SYNE1: variants seen among roughly 807,000 people sequenced by gnomAD.
SYNE1 encodes nesprin-1.
Under a neutral mutation model 1,111.0 loss-of-function variants are expected in SYNE1, and 616 were observed. The observed-to-expected ratio is 0.55, with a 90% confidence interval of 0.52 to 0.59. The LOEUF (loss-of-function observed/expected upper bound fraction) is 0.59, where lower values mean the gene tolerates loss of function less well. Among genes scored for constraint, SYNE1 ranks in the 20% least tolerant of loss-of-function variants. The pLI is 0.00. For missense variants in SYNE1, 10,006 were observed against 10,417.0 expected, an observed-to-expected ratio of 0.96 and a Z score of 1.72; for synonymous variants, 3,855 against 3,825.8, an observed-to-expected ratio of 1.01 and a Z score of -0.28.
intron 74 of SYNE1, 45 bp from the exon 75 acceptor site, chr6:152,339,411 T>C (rs1451144453): frequency 2.5e-6 from 4 of 1,608,684 alleles, no homozygotes; most frequent in East Asian, 2.2e-5. Context: ...ATCAGCTATT[T>C]AGATAGCAAA....
At chr6:152,186,555 T>TG (rs2070032481) in intron 128 of SYNE1, among the ~76,000 whole-genome samples, 1 of 43,324 alleles carries the variant, frequency 2.3e-5, no homozygotes, top group Non-Finnish European at 3.9e-5. Context: ...CAGCTCTGTG[T>TG]CAAAAAAAAA....
chr6:152,152,146 G>C lies in SYNE1; in HGVS notation c.24130-5C>G. On this transcript the variant is annotated splice_polypyrimidine_tract_variant and splice_region_variant and intron_variant, in intron 133 of 145. Coordinates refer to ENST00000367255, the MANE Select transcript of SYNE1 (RefSeq NM_182961.4). The stretch of plus-strand genomic sequence containing the variant: ...GTGGACCTGTCGCTGGAAAGCCTAA[G>C]GCCACAGAGAAGCATATCAGTGTGA... 3 of 1,613,832 alleles carry C rather than the reference G, an allele frequency of 1.9e-6. No individual in the cohort carries two copies. Among genetic ancestry groups the C allele is most frequent in the African/African-American group, 1.3e-5 (1 of 75,034 alleles).
In SYNE1 at chr6:152,605,067, AGGG is replaced by A. The variant is rs1337320475; in HGVS notation, c.67+23195_67+23197del. On this transcript the variant is annotated intron_variant, in intron 3 of 145. Coordinates refer to ENST00000367255, the MANE Select transcript of SYNE1 (RefSeq NM_182961.4). ...GAGGGAGGGAGGGAGGGAGGGAGGGAGGGAGGAAAGAAGGAAGGAAGGAAGGAA... is the reference window on the plus strand; with the variant it reads ...GAGGGAGGGAGGGAGGGAGGGAGGGAAGGAAAGAAGGAAGGAAGGAAGGAA... 8.4e-4 allele frequency among the ~76,000 whole-genome samples: 45 copies of A among 53,590 alleles called. 2 individuals carry two copies. The highest frequency in any genetic ancestry group is 1.3e-3 in the Admixed American group (7 of 5,334). The allele number at this position is 53,590 out of a possible 152,430, so 35.2% of individuals were successfully genotyped here. A position where few individuals can be genotyped will look rare whatever the true frequency, so the allele number is the denominator to read the frequency against.
chr6:152,219,195 G>A lies in SYNE1; in HGVS notation c.21862-10C>T, dbSNP rs1184548564. On this transcript the variant is annotated splice_polypyrimidine_tract_variant and intron_variant, in intron 119 of 145. Transcript: ENST00000367255. ...GTCCTTTGAGGAGGTCCTAGAAGAG[G>A]TGAAAATATGCCCACTCTGAAGCAT... 1.2e-6 allele frequency: 2 copies of A among 1,612,776 alleles called. No individual in the cohort carries two copies. The highest frequency in any genetic ancestry group is 2.2e-5 in the East Asian group (1 of 44,868).
chr6:152,421,767 G>A (rs537062238), intron 39 of SYNE1, among the ~76,000 whole-genome samples: 12 of 151,410 alleles, frequency 7.9e-5, no homozygotes, highest in South Asian at 2.1e-4. Flanking sequence ...GTGCAATGGC[G>A]TGATCTTGGC....
chr6:152,228,718 T>C (rs1248752433), intron 115 of SYNE1, among the ~76,000 whole-genome samples: 2 of 152,228 alleles, frequency 1.3e-5, no homozygotes. Context: ...GGATATGTTT[T>C]AATTTAGGAA....
At chr6:152,127,845 C>G (rs2054051510) in intron 145 of SYNE1, 1 of 152,180 alleles carries the variant, frequency 6.6e-6, no homozygotes, top group Admixed American at 6.5e-5. Context: ...CCCCACTGCC[C>G]TTGCTTAAAT....
At chr6:152,592,557 AC>A (rs149635067) in intron 3 of SYNE1, among the ~76,000 whole-genome samples, 3,315 of 152,276 alleles carry the variant, frequency 0.022, 128 homozygotes, top group African/African-American at 0.075. Flanking sequence ...GACACTATAG[AC>A]TACTAGAAGG....
intron 3 of SYNE1, among the ~76,000 whole-genome samples, chr6:152,570,435 T>G (rs886269441): frequency 6.6e-6 from 1 of 152,168 alleles, no homozygotes. Context: ...TAGCATACCT[T>G]TTGGGTCAGG....
intron 104 of SYNE1, among the ~76,000 whole-genome samples, chr6:152,251,549 G>C (rs1263180298): frequency 6.6e-6 from 1 of 151,768 alleles, no homozygotes; most frequent in Non-Finnish European, 1.5e-5. Flanking sequence ...ACGAGGTCAG[G>C]AGATCGAGAC....
At chr6:152,353,511 C>A in intron 68 of SYNE1, 78 bp from the exon 69 acceptor site, 1 of 1,613,476 alleles carries the variant, frequency 6.2e-7, no homozygotes, top group Non-Finnish European at 8.5e-7. Context: ...TGTATCTTCA[C>A]TGGATGTTAG....
chr6:152,127,089 C>G (rs758814523), intron 145 of SYNE1: 3 of 152,108 alleles, frequency 2.0e-5, no homozygotes, highest in Non-Finnish European at 4.4e-5. Context: ...CAAGTTAGGA[C>G]CCAGGTCTTC....
intron 3 of SYNE1, among the ~76,000 whole-genome samples, chr6:152,572,112 A>G (rs530834439): frequency 2.0e-5 from 3 of 152,338 alleles, no homozygotes; most frequent in South Asian, 2.1e-4. Context: ...ATATTTTTGC[A>G]TAATGCCTAC....
chr6:152,360,061 C>G (rs2096906245), intron 64 of SYNE1, among the ~76,000 whole-genome samples: 1 of 152,214 alleles, frequency 6.6e-6, no homozygotes, highest in South Asian at 2.1e-4. Flanking sequence ...GCCACCAATT[C>G]TTTCCCTGTC....
At chr6:152,347,019 A>G (rs1238193647) in intron 73 of SYNE1, 40 bp downstream of exon 73, 4 of 1,612,104 alleles carry the variant, frequency 2.5e-6, no homozygotes, top group Non-Finnish European at 3.4e-6. Flanking sequence ...GCCTCTCCCC[A>G]TAATTCCTTG....
At chr6:152,432,892 A>G (rs1223789775) in intron 34 of SYNE1, among the ~76,000 whole-genome samples, 2 of 152,148 alleles carry the variant, frequency 1.3e-5, no homozygotes, top group Non-Finnish European at 2.9e-5. Flanking sequence ...ATGAAACTCC[A>G]TGTATGCTTG....
At position 152,441,142 on chromosome 6, in the gene SYNE1, C is replaced by T. The variant is rs2098526560; in HGVS notation, c.4137G>A (p.Leu1379=). The T allele has an allele frequency of 1.2e-6, 2 of 1,613,230 alleles. No homozygotes were observed. The highest frequency in any genetic ancestry group is 2.7e-5 in the African/African-American group (2 of 74,808). ...FSSLESLSSE[L]EQTKEFSKRT... ...AGCCATAATATACCTTTGTTTGTTC[C>T]AGTTCTGAAGATAAACTTTCCAAAC... Residue 1379 remains leucine, a synonymous_variant, in exon 32 of 146, where the codon CTG becomes CTA. Transcript: ENST00000367255.
chr6:152,456,892 T>C, intron 22 of SYNE1: 1 of 264,134 alleles, frequency 3.8e-6, no homozygotes, highest in Non-Finnish European at 7.6e-6. Flanking sequence ...TTTTTGTTTG[T>C]TTGTTTTGGG....
intron 91 of SYNE1, 72 bp downstream of exon 91, chr6:152,308,417 C>G: frequency 6.2e-7 from 1 of 1,605,324 alleles, no homozygotes; most frequent in African/African-American, 1.3e-5. Context: ...CTCTTCCATT[C>G]TCTAGAAACC....
Sources: gnomAD v4.1 joint callset for allele counts (sites outside exome capture counted in the v4.1 genomes callset) on GRCh38, gnomAD v4.1.1 for gene constraint, MANE v1.5 for transcripts, NCBI Gene and HGNC (gene_info 2026-07-23, HGNC 2026-07-21) for gene names.